The following USP45 variants were observed in gnomAD, a reference collection of about 807,000 sequenced individuals.
The protein encoded by USP45 is ubiquitin specific peptidase 45.
USP45 carries 89 observed loss-of-function variants against 95.8 expected under a neutral mutation model. That is an observed-to-expected ratio of 0.93 (90% CI 0.78 to 1.11). The LOEUF is 1.11. Ranked by LOEUF, USP45 falls within the 50% of genes least tolerant of loss-of-function variation. The probability of loss-of-function intolerance (pLI) is 0.00; values close to 1 mark genes in which losing one functional copy is unlikely to be tolerated. For missense variants in USP45, 898 were observed against 942.5 expected (o/e 0.95, Z 0.62); for synonymous variants, 281 against 316.2 (o/e 0.89, Z 1.18).
intron 15 of USP45, among the ~76,000 whole-genome samples, chr6:99,440,634 A>T (rs985240388): frequency 1.3e-5 from 2 of 152,172 alleles, no homozygotes; most frequent in African/African-American, 4.8e-5. Context: ...TACTAATCAC[A>T]AGTTTACTGT....
At chr6:99,487,633 C>CAAAAAAAAAAAAAAAA (rs11335830) in intron 7 of USP45, among the ~76,000 whole-genome samples, 3 of 106,392 alleles carry the variant, frequency 2.8e-5, no homozygotes, top group Non-Finnish European at 3.7e-5. Context: ...ACTAAAAATA[C>CAAAAAAAAAAAAAAAA]AAAAAAAAAA....
At chr6:99,440,965 T>G (rs1032648482) in intron 15 of USP45, among the ~76,000 whole-genome samples, 10 of 152,202 alleles carry the variant, frequency 6.6e-5, no homozygotes, top group Non-Finnish European at 1.3e-4. Flanking sequence ...GACTTTAATA[T>G]AAGATGAATC....
chr6:99,469,460 AATATATATATAATATATATATATATATTT>A, intron 9 of USP45, among the ~76,000 whole-genome samples: 1 of 135,594 alleles, frequency 7.4e-6, no homozygotes, highest in South Asian at 2.2e-4. Flanking sequence ...ATATATAATT[AATATATATATAATATATATATATATATTT>A]TTTTTTTTTT....
rs763114912 is a variant in USP45 at position 99,435,713 on chromosome 6, T to C, written c.*3A>G. On this transcript the variant is annotated 3_prime_UTR_variant, in exon 18 of 18. Coordinates refer to ENST00000500704, the MANE Select transcript of USP45 (RefSeq NM_001346022.3). The stretch of plus-strand genomic sequence containing the variant: ...TGACCTAAATAATCATTACCATTAA[T>C]AGTTATAATACTCTTTCATAGAAAA... The C allele has an allele frequency of 5.6e-6, 9 of 1,609,410 alleles. No homozygotes were observed. In the Admixed American group the frequency reaches 1.0e-4, roughly 18 times the overall value.
At chr6:99,508,924 C>A in intron 2 of USP45, 142 bp from the exon 3 acceptor site, 1 of 631,210 alleles carries the variant, frequency 1.6e-6, no homozygotes, top group Non-Finnish European at 2.6e-6. Context: ...AAGATATATG[C>A]TATATAATTC....
rs1475097418 is a variant in USP45 at position 99,466,668 on chromosome 6, C to T, written c.1107+4G>A. 2 of 1,607,836 alleles carry T rather than the reference C, an allele frequency of 1.2e-6. No homozygotes were observed. The highest frequency in any genetic ancestry group is 3.4e-5 in the Admixed American group (2 of 59,668). Reference sequence around the variant, plus strand: ...CATGCTGAATTGAATTCTAAAGTACCTACATTTGCACATTCTTCACACATG... The same window carrying T: ...CATGCTGAATTGAATTCTAAAGTACTTACATTTGCACATTCTTCACACATG... On this transcript the variant is annotated splice_donor_region_variant and intron_variant, in intron 11 of 17. Coordinates refer to ENST00000500704, the MANE Select transcript of USP45 (RefSeq NM_001346022.3).
Position 99,507,632 on chromosome 6 carries a change from T to G in USP45, c.274-101A>C, listed in dbSNP as rs930804078. 4 of 768,772 alleles carry G rather than the reference T, an allele frequency of 5.2e-6. No individual in the cohort carries two copies. The African/African-American group carries it at 5.3e-5, about 10-fold the overall frequency. The allele number at this position is 768,772 out of a possible 1,614,324, so 47.6% of individuals were successfully genotyped here. A position where few individuals can be genotyped will look rare whatever the true frequency, so the allele number is the denominator to read the frequency against. On this transcript the variant is annotated intron_variant, in intron 3 of 17. Coordinates refer to ENST00000500704, the MANE Select transcript of USP45 (RefSeq NM_001346022.3). Reference sequence around the variant, plus strand: ...CACACTTATACTGAAAAGTTTTGTTTTTAATTTCAGGCCAGAGGAGAAAGT... The same window carrying G: ...CACACTTATACTGAAAAGTTTTGTTGTTAATTTCAGGCCAGAGGAGAAAGT...
upstream of USP45, among the ~76,000 whole-genome samples, chr6:99,517,219 TACTC>T (rs199587632): frequency 1.3e-3 from 143 of 108,382 alleles, no homozygotes; most frequent in African/African-American, 3.5e-3. Flanking sequence ...TTTTAAATAT[TACTC>T]AGTAAGTATG....
At chr6:99,453,173 G>GAAAAAAAAAAAA (rs35773193) in intron 13 of USP45, among the ~76,000 whole-genome samples, 1 of 140,700 alleles carries the variant, frequency 7.1e-6, no homozygotes, top group Non-Finnish European at 1.5e-5. Context: ...ACTTAAAAAA[G>GAAAAAAAAAAAA]AAAAAAAAAA....
intron 4 of USP45, among the ~76,000 whole-genome samples, chr6:99,505,271 G>A (rs1798252462): frequency 6.6e-6 from 1 of 152,048 alleles, no homozygotes; most frequent in East Asian, 1.9e-4. Flanking sequence ...GTATTAATTT[G>A]TTTCTTCTGT....
chr6:99,454,446 G>A (rs1411222010), intron 13 of USP45, among the ~76,000 whole-genome samples: 1 of 152,076 alleles, frequency 6.6e-6, no homozygotes, highest in East Asian at 1.9e-4. Context: ...AAAAACAAAT[G>A]GGACTACACT....
chr6:99,463,852 C>T (rs969523302), intron 13 of USP45, among the ~76,000 whole-genome samples: 3 of 148,686 alleles, frequency 2.0e-5, no homozygotes, highest in Non-Finnish European at 4.5e-5. Context: ...CCATAGACCT[C>T]TTTTAAATCC....
At chr6:99,482,693 G>T in intron 8 of USP45, 60 bp downstream of exon 8, 2 of 1,442,390 alleles carry the variant, frequency 1.4e-6, no homozygotes, top group Non-Finnish European at 1.9e-6. Context: ...CATGTTAAAT[G>T]ATGAATACAT....
At chr6:99,482,025 G>A (rs1792554844) in intron 8 of USP45, among the ~76,000 whole-genome samples, 1 of 152,232 alleles carries the variant, frequency 6.6e-6, no homozygotes, top group Non-Finnish European at 1.5e-5. Context: ...TTCATTACTA[G>A]TTTTAATTAA....
At chr6:99,444,473 C>G (rs1018800692) in intron 14 of USP45, among the ~76,000 whole-genome samples, 5 of 152,054 alleles carry the variant, frequency 3.3e-5, no homozygotes, top group Non-Finnish European at 7.4e-5. Context: ...GAGGGACAAC[C>G]CCTCCCAGGG....
At chr6:99,442,783 G>A (rs1476803401) in intron 15 of USP45, among the ~76,000 whole-genome samples, 1 of 152,180 alleles carries the variant, frequency 6.6e-6, no homozygotes, top group Non-Finnish European at 1.5e-5. Context: ...GGAGTTGGAG[G>A]TTGCAGGGAG....
rs1780041500 is a variant in USP45 at position 99,433,672 on chromosome 6, T to C, written c.*2044A>G. ...CATGAAGAAAATGACAATAAAAATATCTTACTTGCATGTTACTTCTGGAAT... is the reference window on the plus strand; with the variant it reads ...CATGAAGAAAATGACAATAAAAATACCTTACTTGCATGTTACTTCTGGAAT... On this transcript the variant is annotated 3_prime_UTR_variant, in exon 18 of 18. Coordinates refer to ENST00000500704, the MANE Select transcript of USP45 (RefSeq NM_001346022.3). The C allele has an allele frequency of 1.3e-5, 2 of 152,202 alleles. No individual in the cohort carries two copies. The highest frequency in any genetic ancestry group is 4.1e-4 in the South Asian group (2 of 4,832). The allele number at this position is 152,202 out of a possible 1,614,324, so 9.4% of individuals were successfully genotyped here.
chr6:99,515,783 T>TG (rs1801050216), upstream of USP45, among the ~76,000 whole-genome samples: 1 of 144,378 alleles, frequency 6.9e-6, no homozygotes. Context: ...TTTTTTTTTT[T>TG]TTTTTTTTTG....
intron 15 of USP45, among the ~76,000 whole-genome samples, chr6:99,441,173 A>ATC (rs10665335): frequency 0.98 from 149,822 of 152,276 alleles, 73,750 homozygotes; most frequent in East Asian, 1. Flanking sequence ...TTTTGTGTAT[A>ATC]TCTATTTCCT....
Sources: gnomAD v4.1 joint callset for allele counts (sites outside exome capture counted in the v4.1 genomes callset) on GRCh38, gnomAD v4.1.1 for gene constraint, MANE v1.5 for transcripts, NCBI Gene and HGNC (gene_info 2026-07-23, HGNC 2026-07-21) for gene names.